The following CLNK variants were observed in gnomAD, a reference collection of about 807,000 sequenced individuals.
The protein encoded by CLNK is cytokine-dependent hematopoietic cell linker.
In CLNK, 74 loss-of-function variants were observed where a neutral mutation model predicts 68.6. The ratio of observed to expected loss-of-function variants is 1.08; its 90% confidence interval spans 0.89 to 1.31. CLNK has a LOEUF of 1.31. Among genes scored for constraint, CLNK ranks in the 50% most tolerant of loss-of-function variants. The probability of loss-of-function intolerance (pLI) is 0.00; values close to 1 mark genes in which losing one functional copy is unlikely to be tolerated. For synonymous variants in CLNK, 198 were observed against 172.2 expected, an observed-to-expected ratio of 1.15 and a Z score of -1.17; for missense variants, 553 against 515.3, an observed-to-expected ratio of 1.07 and a Z score of -0.71.
intron 1 of CLNK, among the ~76,000 whole-genome samples, chr4:10,680,853 G>T (rs1213968850): frequency 1.3e-5 from 2 of 152,124 alleles, no homozygotes; most frequent in Admixed American, 6.6e-5. Context: ...GGATGGCGTG[G>T]TATAGTGAAA....
chr4:10,699,316 T>TAC, the CLNK span, among the ~76,000 whole-genome samples: 615 of 112,894 alleles, frequency 5.4e-3, 18 homozygotes, highest in African/African-American at 0.019. Context: ...CATACGTGTA[T>TAC]ACACACACAC....
chr4:10,663,098 C>T (rs929989549), intron 2 of CLNK, among the ~76,000 whole-genome samples: 2 of 152,218 alleles, frequency 1.3e-5, no homozygotes, highest in Admixed American at 6.5e-5. Context: ...ACCACAGCGT[C>T]AAGGTTCTTA....
chr4:10,615,476 C>T (rs1163208272), intron 2 of CLNK, among the ~76,000 whole-genome samples: 3 of 151,928 alleles, frequency 2.0e-5, no homozygotes, highest in African/African-American at 7.3e-5. Context: ...GAGGTCGTGC[C>T]GCCGCACTCC....
chr4:10,669,570 G>A (rs1187995479), intron 1 of CLNK, among the ~76,000 whole-genome samples: 2 of 152,178 alleles, frequency 1.3e-5, no homozygotes, highest in African/African-American at 2.4e-5. Context: ...GATGTTGGTA[G>A]TACATGAAAA....
intron 2 of CLNK, among the ~76,000 whole-genome samples, chr4:10,665,535 A>T (rs1724361715): frequency 6.6e-6 from 1 of 151,932 alleles, no homozygotes; most frequent in Non-Finnish European, 1.5e-5. Context: ...ATGGTGGTAG[A>T]CACCTGTAAT....
chr4:10,644,358 G>T (rs1009047740), intron 2 of CLNK, among the ~76,000 whole-genome samples: 3 of 152,128 alleles, frequency 2.0e-5, no homozygotes, highest in Admixed American at 2.0e-4. Flanking sequence ...GTTCTTTCTA[G>T]GTGTTTGGTT....
At chr4:10,645,039 T>C (rs1723457076) in intron 2 of CLNK, among the ~76,000 whole-genome samples, 2 of 152,234 alleles carry the variant, frequency 1.3e-5, no homozygotes, top group South Asian at 2.1e-4. Flanking sequence ...CTTTCTGTGA[T>C]TGAATCTTGA....
intron 7 of CLNK, among the ~76,000 whole-genome samples, chr4:10,561,864 AG>A (rs1719899690): frequency 6.6e-6 from 1 of 152,200 alleles, no homozygotes; most frequent in African/African-American, 2.4e-5. Context: ...CCTACTAAAC[AG>A]GTATTTATTT....
intron 2 of CLNK, among the ~76,000 whole-genome samples, chr4:10,651,961 C>CACATACAAAAAT (rs1168471654): frequency 6.7e-6 from 1 of 148,628 alleles, no homozygotes; most frequent in African/African-American, 2.5e-5. Context: ...TACATATATG[C>CACATACAAAAAT]ACACAAACAA....
At chr4:10,546,516 T>A (rs1560210689) in intron 8 of CLNK, among the ~76,000 whole-genome samples, 1 of 152,210 alleles carries the variant, frequency 6.6e-6, no homozygotes. Flanking sequence ...GCCTTTACTG[T>A]CTATATTTCT....
chr4:10,679,773 T>C (rs1361744651), intron 1 of CLNK, among the ~76,000 whole-genome samples: 1 of 152,102 alleles, frequency 6.6e-6, no homozygotes. Flanking sequence ...AATATGCTCA[T>C]CATCACTGGC....
At chr4:10,645,769 G>GGGATAT (rs1291293619) in intron 2 of CLNK, among the ~76,000 whole-genome samples, 1 of 152,254 alleles carries the variant, frequency 6.6e-6, no homozygotes, top group Admixed American at 6.5e-5. Flanking sequence ...GTATTCAAGA[G>GGGATAT]TACAGTAGGG....
At chr4:10,501,545 A>T in intron 17 of CLNK, 134 bp from the exon 18 acceptor site, 1 of 825,048 alleles carries the variant, frequency 1.2e-6, no homozygotes, top group Non-Finnish European at 1.9e-6. Flanking sequence ...TTAATTCAGT[A>T]AGTTTTTACT....
At chr4:10,596,482 T>C in intron 3 of CLNK, among the ~76,000 whole-genome samples, 1 of 152,348 alleles carries the variant, frequency 6.6e-6, no homozygotes, top group Middle Eastern at 3.4e-3. Context: ...TTCCTTATCT[T>C]ATCATCATCA....
intron 2 of CLNK, among the ~76,000 whole-genome samples, chr4:10,629,658 A>G (rs776640436): frequency 2.6e-5 from 4 of 152,184 alleles, no homozygotes; most frequent in African/African-American, 4.8e-5. Context: ...TGGTGAGGTC[A>G]GCCCCAAAAC....
intron 2 of CLNK, among the ~76,000 whole-genome samples, chr4:10,603,117 A>T (rs2108848619): frequency 6.6e-6 from 1 of 152,290 alleles, no homozygotes; most frequent in African/African-American, 2.4e-5. Flanking sequence ...CTGTTGTAAA[A>T]CTGCACTTCT....
the CLNK span, among the ~76,000 whole-genome samples, chr4:10,716,905 G>T: frequency 1.3e-4 from 19 of 151,916 alleles, no homozygotes; most frequent in Non-Finnish European, 2.1e-4. Context: ...TGTTGGCCAG[G>T]CTGGTCTTGA....
intron 2 of CLNK, among the ~76,000 whole-genome samples, chr4:10,624,354 G>A (rs1211833621): frequency 2.0e-5 from 3 of 152,090 alleles, no homozygotes. Context: ...CTGCCCAGGC[G>A]CCATCTCGGC....
chr4:10,500,408 C>T (rs762580677), intron 18 of CLNK, among the ~76,000 whole-genome samples: 1 of 152,184 alleles, frequency 6.6e-6, no homozygotes, highest in Non-Finnish European at 1.5e-5. Flanking sequence ...TGGCTGGGCA[C>T]AGTGGCTCAC....
Sources: gnomAD v4.1 joint callset for allele counts (sites outside exome capture counted in the v4.1 genomes callset) on GRCh38, gnomAD v4.1.1 for gene constraint, MANE v1.5 for transcripts, NCBI Gene and HGNC (gene_info 2026-07-23, HGNC 2026-07-21) for gene names.